The following ACYP2 variants were observed in gnomAD, a reference collection of about 807,000 sequenced individuals.
ACYP2 encodes the protein acylphosphatase-2.
A neutral mutation model predicts 11.2 loss-of-function variants in ACYP2; 12 were observed. The ratio of observed to expected loss-of-function variants is 1.08; its 90% CI spans 0.69 to 1.74. The LOEUF (loss-of-function observed/expected upper bound fraction) is 1.74, where lower values mean the gene tolerates loss of function less well. ACYP2 is among the 40% of genes most tolerant of loss of function. The probability of loss-of-function intolerance (pLI) is 0.00; values close to 1 mark genes in which losing one functional copy is unlikely to be tolerated. For synonymous variants in ACYP2, 43 were observed against 32.2 expected, an observed-to-expected ratio of 1.33 and a Z score of -1.13; for missense variants, 134 against 101.9, an observed-to-expected ratio of 1.31 and a Z score of -1.35.
At chr2:54,001,661 T>C (rs182569392) in intron 2 of ACYP2, among the ~76,000 whole-genome samples, 28 of 152,350 alleles carry the variant, frequency 1.8e-4, no homozygotes, top group African/African-American at 6.5e-4. Flanking sequence ...TCCAAAGTGC[T>C]GGGATTACAA....
At chr2:54,023,972 C>G (rs138943249) in intron 2 of ACYP2, among the ~76,000 whole-genome samples, 199 of 152,196 alleles carry the variant, frequency 1.3e-3, no homozygotes, top group Non-Finnish European at 2.4e-3. Flanking sequence ...AAACCCAAAC[C>G]AGGAAAGGAC....
In ACYP2 at chr2:54,115,895, G is replaced by A. The variant is rs1026033344; in HGVS notation, c.278-19558G>A. Reference sequence around the variant, plus strand: ...CGCTCCGCCATGACACAGCAGCGGCGGCGGGGAGGGAGGCGAAACGCGCAT... The same window carrying A: ...CGCTCCGCCATGACACAGCAGCGGCAGCGGGGAGGGAGGCGAAACGCGCAT... On this transcript the variant is annotated intron_variant, in intron 4 of 6. Transcript: ENST00000607452. 2.2e-5 allele frequency: 26 copies of A among 1,168,594 alleles called. No individual in the cohort carries two copies. In the South Asian group the frequency reaches 3.7e-4, roughly 17 times the overall value. The allele number at this position is 1,168,594 out of a possible 1,614,324, so 72.4% of individuals were successfully genotyped here.
intron 4 of ACYP2, among the ~76,000 whole-genome samples, chr2:54,113,760 T>G (rs547085377): frequency 6.6e-6 from 1 of 152,164 alleles, no homozygotes; most frequent in Non-Finnish European, 1.5e-5. Context: ...GAAGAGGTTC[T>G]TTGTTTTAAA....
chr2:53,973,529 A>G (rs1423755976), intron 1 of ACYP2, among the ~76,000 whole-genome samples: 1 of 152,118 alleles, frequency 6.6e-6, no homozygotes, highest in African/African-American at 2.4e-5. Context: ...CCCCACCCTT[A>G]GGAAGTTTCT....
At chr2:54,170,422 G>C (rs1683174089) in intron 6 of ACYP2, among the ~76,000 whole-genome samples, 1 of 152,114 alleles carries the variant, frequency 6.6e-6, no homozygotes, top group Admixed American at 6.6e-5. Flanking sequence ...CAAAGTGCTG[G>C]GATTACAGGC....
chr2:54,011,864 A>G (rs1037228725), intron 2 of ACYP2, among the ~76,000 whole-genome samples: 1 of 152,124 alleles, frequency 6.6e-6, no homozygotes, highest in Non-Finnish European at 1.5e-5. Flanking sequence ...AAATGGTTTC[A>G]AGTCTCTTCT....
intron 4 of ACYP2, chr2:54,084,653 G>A (rs1677850626): frequency 6.6e-6 from 1 of 152,202 alleles, no homozygotes. Flanking sequence ...TTTGCTGGAA[G>A]TAAAAATCAC....
chr2:53,985,321 C>T (rs1403944602), intron 2 of ACYP2, among the ~76,000 whole-genome samples: 1 of 152,090 alleles, frequency 6.6e-6, no homozygotes, highest in Non-Finnish European at 1.5e-5. Context: ...CCTGCCTCAG[C>T]CTCCCAAAGT....
intron 6 of ACYP2, among the ~76,000 whole-genome samples, chr2:54,207,471 C>G (rs556070830): frequency 2.6e-5 from 4 of 152,222 alleles, no homozygotes; most frequent in African/African-American, 9.6e-5. Flanking sequence ...TACTTAAATT[C>G]AACTGATTGT....
intron 4 of ACYP2, chr2:54,080,362 T>C (rs1160717066): frequency 1.3e-5 from 2 of 152,256 alleles, no homozygotes. Context: ...TTCTCCTGCT[T>C]TTTGGGATGC....
chr2:53,978,114 G>T (rs1671583514), intron 2 of ACYP2, among the ~76,000 whole-genome samples: 1 of 151,650 alleles, frequency 6.6e-6, no homozygotes, highest in South Asian at 2.1e-4. Flanking sequence ...ATACAAAAAT[G>T]AGCCGGGCAT....
chr2:54,062,606 C>T (rs371463985), intron 4 of ACYP2, among the ~76,000 whole-genome samples: 27 of 152,140 alleles, frequency 1.8e-4, no homozygotes, highest in African/African-American at 6.0e-4. Flanking sequence ...TAATATAGCA[C>T]AAAGGCAAAG....
At chr2:54,138,520 T>C (rs1315197639) in intron 5 of ACYP2, 119 bp from the exon 3 acceptor site, 1 of 671,438 alleles carries the variant, frequency 1.5e-6, no homozygotes. Flanking sequence ...ATACAATTGT[T>C]GGCATTGACT....
chr2:54,018,962 C>A (rs987894427), intron 2 of ACYP2, among the ~76,000 whole-genome samples: 2 of 152,034 alleles, frequency 1.3e-5, no homozygotes, highest in Non-Finnish European at 2.9e-5. Context: ...CCAAGCTGGT[C>A]TCAAACTCCT....
chr2:54,123,469 T>C (rs1431523206), intron 4 of ACYP2: 10 of 398,458 alleles, frequency 2.5e-5, no homozygotes, highest in African/African-American at 4.1e-5. Context: ...GTGTGTGGCA[T>C]TAACAAAATT....
intron 1 of ACYP2, among the ~76,000 whole-genome samples, chr2:53,972,481 C>T (rs1290326218): frequency 6.6e-6 from 1 of 152,000 alleles, no homozygotes; most frequent in Non-Finnish European, 1.5e-5. Context: ...GTGGCGGGCG[C>T]CTGTAGTCCC....
intron 6 of ACYP2, among the ~76,000 whole-genome samples, chr2:54,188,936 C>A (rs979287375): frequency 1.3e-5 from 2 of 152,220 alleles, no homozygotes; most frequent in African/African-American, 2.4e-5. Flanking sequence ...TGGATCCTAG[C>A]CCACCTGCCT....
intron 6 of ACYP2, among the ~76,000 whole-genome samples, chr2:54,165,820 G>A (rs531467686): frequency 6.6e-6 from 1 of 152,108 alleles, no homozygotes; most frequent in East Asian, 1.9e-4. Context: ...ATCTTCTGGC[G>A]GAAATCTAAG....
At chr2:54,204,672 C>T (rs1685000048) in intron 6 of ACYP2, among the ~76,000 whole-genome samples, 1 of 152,180 alleles carries the variant, frequency 6.6e-6, no homozygotes, top group Non-Finnish European at 1.5e-5. Context: ...TCCCTTATAA[C>T]TGCCTGGCAT....
Sources: allele counts gnomAD v4.1 joint callset (sites outside exome capture counted in the v4.1 genomes callset), GRCh38; gene constraint gnomAD v4.1.1; transcripts MANE v1.5; gene names NCBI Gene and HGNC (gene_info 2026-07-23, HGNC 2026-07-21).